The following LMBR1 variants were observed in gnomAD, a reference collection of about 807,000 sequenced individuals.
The protein encoded by LMBR1 is limb development membrane protein 1, also known as limb region 1 protein homolog.
LMBR1 carries 52 observed loss-of-function variants against 73.9 expected under a neutral mutation model. That is an observed-to-expected ratio of 0.70 (90% CI 0.56 to 0.89). The LOEUF (loss-of-function observed/expected upper bound fraction) is 0.89, where lower values mean the gene tolerates loss of function less well. Among genes scored for constraint, LMBR1 ranks in the 40% least tolerant of loss-of-function variants. The pLI is 0.00. For missense variants in LMBR1, 539 were observed against 579.8 expected, an observed-to-expected ratio of 0.93 and a Z score of 0.72; for synonymous variants, 215 against 209.4, an observed-to-expected ratio of 1.03 and a Z score of -0.23.
intron 3 of LMBR1, among the ~76,000 whole-genome samples, chr7:156,827,649 T>C (rs1338630390): frequency 6.6e-6 from 1 of 152,080 alleles, no homozygotes; most frequent in Non-Finnish European, 1.5e-5. Context: ...ATAGAATGGA[T>C]ATTAAAGTTC....
chr7:156,701,919 G>A (rs996335096), intron 15 of LMBR1, among the ~76,000 whole-genome samples: 1 of 152,118 alleles, frequency 6.6e-6, no homozygotes, highest in Non-Finnish European at 1.5e-5. Context: ...GAGGATAATG[G>A]CTTCCAACTC....
intron 4 of LMBR1, among the ~76,000 whole-genome samples, chr7:156,811,653 G>A (rs1293694788): frequency 2.0e-5 from 3 of 152,030 alleles, no homozygotes; most frequent in Non-Finnish European, 4.4e-5. Flanking sequence ...TACTAATTCT[G>A]ACATCTCAGT....
At chr7:156,688,253 C>T in intron 15 of LMBR1, 62 bp from the exon 16 acceptor site, 1 of 1,202,024 alleles carries the variant, frequency 8.3e-7, no homozygotes, top group Non-Finnish European at 1.2e-6. Context: ...TAGTGTGCTA[C>T]AAGTAAAGTA....
intron 15 of LMBR1, among the ~76,000 whole-genome samples, chr7:156,697,051 G>C (rs1172159272): frequency 6.6e-6 from 1 of 151,920 alleles, no homozygotes; most frequent in Non-Finnish European, 1.5e-5. Context: ...GGCCAGCTGA[G>C]AGAGAGAGAC....
chr7:156,810,842 T>C (rs1832969301), intron 4 of LMBR1, among the ~76,000 whole-genome samples: 1 of 152,002 alleles, frequency 6.6e-6, no homozygotes, highest in Non-Finnish European at 1.5e-5. Flanking sequence ...GGAGTGTTGC[T>C]CTGTCACCCA....
intron 3 of LMBR1, among the ~76,000 whole-genome samples, chr7:156,830,891 G>C (rs1429346702): frequency 6.6e-6 from 1 of 152,228 alleles, no homozygotes; most frequent in African/African-American, 2.4e-5. Context: ...CTTGAGAACA[G>C]TGAACGAACA....
chr7:156,845,837 G>C (rs1839491262), intron 1 of LMBR1, among the ~76,000 whole-genome samples: 1 of 151,924 alleles, frequency 6.6e-6, no homozygotes, highest in Non-Finnish European at 1.5e-5. Context: ...TCTCAGACAA[G>C]GCTGAATTTA....
intron 4 of LMBR1, among the ~76,000 whole-genome samples, chr7:156,822,017 A>C (rs1834873993): frequency 6.6e-6 from 1 of 152,258 alleles, no homozygotes; most frequent in African/African-American, 2.4e-5. Flanking sequence ...CACAGACAAA[A>C]CAATTAAAAG....
At chr7:156,758,511 G>A (rs1002786359) in intron 8 of LMBR1, among the ~76,000 whole-genome samples, 3 of 152,146 alleles carry the variant, frequency 2.0e-5, no homozygotes, top group East Asian at 3.8e-4. Flanking sequence ...GGTCATGGGG[G>A]TGGATCTCTC....
intron 5 of LMBR1, among the ~76,000 whole-genome samples, chr7:156,769,389 T>C (rs1248718477): frequency 6.6e-6 from 1 of 152,138 alleles, no homozygotes; most frequent in African/African-American, 2.4e-5. Context: ...CCATTCAGAC[T>C]CATTACAGGT....
chr7:156,773,137 TA>T (rs1323509757), intron 5 of LMBR1, among the ~76,000 whole-genome samples: 5 of 151,842 alleles, frequency 3.3e-5, no homozygotes, highest in Admixed American at 1.3e-4. Flanking sequence ...GAAATACAGC[TA>T]GTCAGGGAGG....
At chr7:156,858,973 G>T (rs574284523) in intron 1 of LMBR1, among the ~76,000 whole-genome samples, 1 of 152,212 alleles carries the variant, frequency 6.6e-6, no homozygotes, top group Admixed American at 6.5e-5. Context: ...AAAAACTAGG[G>T]CTGGGCACGG....
At chr7:156,698,382 C>T (rs1808805429) in intron 15 of LMBR1, among the ~76,000 whole-genome samples, 2 of 152,232 alleles carry the variant, frequency 1.3e-5, no homozygotes, top group African/African-American at 2.4e-5. Context: ...GTAGGGACTC[C>T]GTGTGGGGGC....
chr7:156,805,599 T>C (rs1056982889), intron 4 of LMBR1, among the ~76,000 whole-genome samples: 6 of 152,214 alleles, frequency 3.9e-5, no homozygotes, highest in Admixed American at 2.0e-4. Flanking sequence ...TCTTTCAAAG[T>C]TGTTTAGGCT....
rs185526844 is a variant in LMBR1, at chr7:156,826,764, C to A, written c.180-20G>T. The stretch of plus-strand genomic sequence containing the variant: ...AACAACCTGGAAGAAAGGAGAGTCA[C>A]CATCACAAGTGATCTGAAAAAGCAA... On this transcript the variant is annotated intron_variant, in intron 3 of 16. Coordinates refer to ENST00000353442, the MANE Select transcript of LMBR1 (RefSeq NM_022458.4). 4.0e-5 allele frequency: 63 copies of A among 1,592,120 alleles called. No individual in the cohort carries two copies. Among genetic ancestry groups the A allele is most frequent in the South Asian group, 2.5e-4 (22 of 87,640 alleles).
intron 1 of LMBR1, among the ~76,000 whole-genome samples, chr7:156,854,890 T>C (rs1029135770): frequency 6.6e-5 from 10 of 152,208 alleles, no homozygotes; most frequent in African/African-American, 2.4e-4. Flanking sequence ...ACAAGAACAC[T>C]AGGGGAAATT....
chr7:156,702,427 T>C (rs1370106758), intron 15 of LMBR1, among the ~76,000 whole-genome samples: 3 of 152,258 alleles, frequency 2.0e-5, no homozygotes, highest in African/African-American at 7.2e-5. Flanking sequence ...TGTCTTCTTT[T>C]GAGAACTGTA....
intron 5 of LMBR1, among the ~76,000 whole-genome samples, chr7:156,773,284 G>A (rs955209995): frequency 1.3e-5 from 2 of 150,998 alleles, no homozygotes; most frequent in Admixed American, 6.6e-5. Flanking sequence ...GCAATTTACA[G>A]ATTCAATGCT....
Position 156,681,245 on chromosome 7 carries a change from G to C in LMBR1, c.*2833C>G. Reference sequence around the variant, plus strand: ...GGGCCATGGGCACCCAGCAGATGGGGAGGCCGCACTGCCGCTGAGAGCAGG... The same window carrying C: ...GGGCCATGGGCACCCAGCAGATGGGCAGGCCGCACTGCCGCTGAGAGCAGG... On this transcript the variant is annotated 3_prime_UTR_variant, in exon 17 of 17. Coordinates refer to ENST00000353442, the MANE Select transcript of LMBR1 (RefSeq NM_022458.4). The C allele has an allele frequency of 2.3e-6, 1 of 433,718 alleles. No homozygotes were observed. The highest frequency in any genetic ancestry group is 1.6e-5 in the South Asian group (1 of 60,686). The allele number at this position is 433,718 out of a possible 1,614,324, so 26.9% of individuals were successfully genotyped here. A position where few individuals can be genotyped will look rare whatever the true frequency, so the allele number is the denominator to read the frequency against.
Sources: allele counts gnomAD v4.1 joint callset (sites outside exome capture counted in the v4.1 genomes callset), GRCh38; gene constraint gnomAD v4.1.1; transcripts MANE v1.5; gene names NCBI Gene and HGNC (gene_info 2026-07-23, HGNC 2026-07-21).